Variants in MID1 observed in about 807,000 individuals in gnomAD.
The protein encoded by MID1 is midline 1.
In MID1, 7 loss-of-function variants were observed where a neutral mutation model predicts 40.4. That is an observed-to-expected ratio of 0.17 (90% CI 0.10 to 0.33). The LOEUF (loss-of-function observed/expected upper bound fraction) is 0.33. Ranked by LOEUF, MID1 falls within the 10% of genes least tolerant of loss-of-function variation. The pLI, the probability that MID1 is intolerant of heterozygous loss-of-function variation, is 1.00. For missense variants in MID1, 367 were observed against 558.5 expected (o/e 0.66, Z 3.46); for synonymous variants, 229 against 221.2 (o/e 1.04, Z -0.31).
intron 1 of MID1, among the ~76,000 whole-genome samples, chrX:10,792,942 C>A (rs1203915084): frequency 8.9e-6 from 1 of 111,830 alleles, no homozygotes; most frequent in Non-Finnish European, 1.9e-5. Flanking sequence ...CGATTTGGCA[C>A]TATCTTTCTG....
intron 2 of MID1, among the ~76,000 whole-genome samples, chrX:10,558,412 C>T (rs188800282): frequency 2.7e-4 from 30 of 112,647 alleles, no homozygotes; most frequent in Admixed American, 4.7e-4. Context: ...CTTCCTCCTC[C>T]GAATCCCAAA....
intron 1 of MID1, among the ~76,000 whole-genome samples, chrX:10,582,312 T>C (rs909977375): frequency 5.4e-5 from 6 of 111,904 alleles, no homozygotes; most frequent in Non-Finnish European, 1.1e-4. Flanking sequence ...ATACTACCTC[T>C]ATCTCCCAAG....
intron 1 of MID1, among the ~76,000 whole-genome samples, chrX:10,826,787 A>G (rs1371059806): frequency 8.9e-6 from 1 of 112,570 alleles, no homozygotes; most frequent in Non-Finnish European, 1.9e-5. Context: ...TGTCTCCTAC[A>G]CTTGACTGTT....
chrX:10,524,760 T>TA (rs1244004337), intron 2 of MID1, among the ~76,000 whole-genome samples: 1 of 111,951 alleles, frequency 8.9e-6, no homozygotes, highest in African/African-American at 3.3e-5. Flanking sequence ...GGCTGCTGGT[T>TA]AAAGGTTTCC....
chrX:10,464,875 CGATTT>C (rs891815642), intron 7 of MID1, among the ~76,000 whole-genome samples: 3 of 111,179 alleles, frequency 2.7e-5, no homozygotes, highest in Admixed American at 9.6e-5. Flanking sequence ...GTGTCCATGA[CGATTT>C]GATTTAAGAA....
At position 10,489,967 on chromosome X, in the gene MID1, T is replaced by G. The variant is rs1930847807; in HGVS notation, c.864+5617A>C. Reference sequence around the variant, plus strand: ...GCCTCGGCTTCCCAAAGTGCTGGGATTATAGGTGTGAGCCACCGCACCCGG... The same window carrying G: ...GCCTCGGCTTCCCAAAGTGCTGGGAGTATAGGTGTGAGCCACCGCACCCGG... On this transcript the variant is annotated intron_variant, in intron 4 of 9. Transcript: ENST00000317552. 2.7e-5 allele frequency among the ~76,000 whole-genome samples: 3 copies of G among 111,767 alleles called. No individual in the cohort carries two copies. The Admixed American group carries it at 2.9e-4, about 11-fold the overall frequency.
chrX:10,597,563 T>C (rs1049567548), intron 1 of MID1, among the ~76,000 whole-genome samples: 2 of 112,254 alleles, frequency 1.8e-5, no homozygotes, highest in Admixed American at 9.5e-5. Flanking sequence ...CAAAAAACCT[T>C]ACTCTTTTTA....
At chrX:10,717,113 A>G (rs2043310034) in intron 1 of MID1, among the ~76,000 whole-genome samples, 3 of 112,127 alleles carry the variant, frequency 2.7e-5, no homozygotes, top group Non-Finnish European at 3.8e-5. Context: ...AAGACCATCA[A>G]GGCTAGGAAG....
At chrX:10,641,816 C>T (rs183946730) in intron 1 of MID1, among the ~76,000 whole-genome samples, 2 of 111,705 alleles carry the variant, frequency 1.8e-5, no homozygotes, top group East Asian at 2.8e-4. Flanking sequence ...CGTTTATCCA[C>T]CGCGATCAAG....
chrX:10,827,636 T>C (rs926992719), intron 1 of MID1, among the ~76,000 whole-genome samples: 1 of 110,976 alleles, frequency 9.0e-6, no homozygotes, highest in African/African-American at 3.3e-5. Context: ...GTTAAATAAT[T>C]AGCTCACTGA....
chrX:10,501,085 C>A (rs1338994729), intron 3 of MID1, among the ~76,000 whole-genome samples: 13 of 111,679 alleles, frequency 1.2e-4, no homozygotes, highest in Admixed American at 9.5e-5. Context: ...CCGAGGCAGG[C>A]GGGTCACGAG....
intron 3 of MID1, among the ~76,000 whole-genome samples, chrX:10,512,576 T>C (rs759599659): frequency 1.2e-4 from 13 of 112,333 alleles, no homozygotes; most frequent in Non-Finnish European, 1.7e-4. Context: ...TATCACTTTT[T>C]CTTTCTTTAC....
chrX:10,560,588 G>A (rs1041821122), intron 2 of MID1, among the ~76,000 whole-genome samples: 2 of 110,837 alleles, frequency 1.8e-5, no homozygotes, highest in African/African-American at 6.6e-5. Context: ...TCGACAAGCA[G>A]AGAGCCAAAT....
intron 1 of MID1, chrX:10,677,390 T>C (rs113067512): frequency 8.0e-5 from 9 of 112,343 alleles, no homozygotes; most frequent in African/African-American, 2.9e-4. Flanking sequence ...GCAAATATCT[T>C]ACATATATTC....
chrX:10,498,645 C>T (rs1217870099), intron 3 of MID1, among the ~76,000 whole-genome samples: 1 of 112,067 alleles, frequency 8.9e-6, no homozygotes, highest in Non-Finnish European at 1.9e-5. Flanking sequence ...GAGGCAACCA[C>T]TAGTCTACTT....
intron 1 of MID1, among the ~76,000 whole-genome samples, chrX:10,663,971 C>T (rs1208495362): frequency 1.8e-5 from 2 of 111,266 alleles, no homozygotes; most frequent in Non-Finnish European, 3.8e-5. Flanking sequence ...CACAAATACA[C>T]AATCACAGCC....
chrX:10,498,590 T>TGGA (rs1931380170), intron 3 of MID1, among the ~76,000 whole-genome samples: 2 of 112,217 alleles, frequency 1.8e-5, no homozygotes, highest in African/African-American at 6.5e-5. Context: ...ACCCATAATG[T>TGGA]GTGCAGTCAC....
intron 1 of MID1, among the ~76,000 whole-genome samples, chrX:10,636,779 AATGGGGATATATATATATAT>A (rs1182579774): frequency 9.4e-5 from 2 of 21,356 alleles, no homozygotes; most frequent in Non-Finnish European, 1.5e-4. Context: ...CCATTCCAAC[AATGGGGATATATATATATAT>A]ATATATATAT....
intron 1 of MID1, among the ~76,000 whole-genome samples, chrX:10,784,977 G>A (rs765571376): frequency 9.0e-6 from 1 of 110,823 alleles, no homozygotes; most frequent in Admixed American, 9.7e-5. Context: ...TCTGGCCAGG[G>A]CAGTCAGGCA....
Sources: gnomAD v4.1 joint callset for allele counts (sites outside exome capture counted in the v4.1 genomes callset) on GRCh38, gnomAD v4.1.1 for gene constraint, MANE v1.5 for transcripts, NCBI Gene and HGNC (gene_info 2026-07-23, HGNC 2026-07-21) for gene names.